HAT1: variants seen among roughly 807,000 people sequenced by gnomAD.
HAT1 encodes the protein histone acetyltransferase 1.
A neutral mutation model predicts 56.6 loss-of-function variants in HAT1; 20 were observed. That is an observed-to-expected ratio of 0.35 (90% CI 0.25 to 0.51). HAT1 has a LOEUF of 0.51. Among genes scored for constraint, HAT1 ranks in the 20% least tolerant of loss-of-function variants. HAT1 has a pLI of 0.95. For synonymous variants in HAT1, 146 were observed against 165.5 expected (o/e 0.88, Z 0.91); for missense variants, 408 against 504.3 (o/e 0.81, Z 1.83).
Position 171,946,712 on chromosome 2 carries a change from T to C in HAT1, c.117T>C (p.Arg39=). Residue 39 remains arginine, a synonymous_variant, in exon 3 of 11, where the codon CGT becomes CGC. Transcript: ENST00000264108. ...TNTAIELKLV[R]FPEDLENDIR... ...TTTTTTTGTCCCTTGAAACAGTTCG[T>C]TTTCCTGAAGATCTTGAAAATGACA... is the stretch of plus-strand genomic sequence containing the variant. 1 of 1,569,170 alleles carries C rather than the reference T, an allele frequency of 6.4e-7. No individual in the cohort carries two copies. The highest frequency in any genetic ancestry group is 8.7e-7 in the Non-Finnish European group (1 of 1,144,740).
intron 6 of HAT1, 81 bp from the exon 7 acceptor site, chr2:171,966,328 G>C: frequency 1.3e-6 from 1 of 794,234 alleles, no homozygotes; most frequent in Non-Finnish European, 2.3e-6. Flanking sequence ...TGAAAATTCA[G>C]TCAGAGAATG....
intron 9 of HAT1, among the ~76,000 whole-genome samples, chr2:171,977,545 ATATATATATATATTTT>A (rs1216272010): frequency 1.4e-4 from 2 of 14,056 alleles, no homozygotes; most frequent in Admixed American, 1.2e-3. Flanking sequence ...ATATATATAT[ATATATATATATATTTT>A]TTTTTTTTTT....
chr2:171,976,333 A>G (rs1468887950), intron 9 of HAT1, 25 bp downstream of exon 9: 1 of 1,428,282 alleles, frequency 7.0e-7, no homozygotes, highest in Non-Finnish European at 9.5e-7. Context: ...TAGGAGGAAA[A>G]CAGATTTAAA....
At chr2:171,973,438 G>A (rs1186162951) in intron 8 of HAT1, among the ~76,000 whole-genome samples, 2 of 150,756 alleles carry the variant, frequency 1.3e-5, no homozygotes, top group Non-Finnish European at 2.9e-5. Flanking sequence ...TCTTGATAGG[G>A]ATTGAGGGAT....
intron 2 of HAT1, 83 bp downstream of exon 2, chr2:171,925,724 T>G: frequency 1.6e-6 from 1 of 625,542 alleles, no homozygotes; most frequent in Non-Finnish European, 2.9e-6. Flanking sequence ...AAGTAAAATT[T>G]TATGTAAGAG....
chr2:171,947,589 A>G (rs1222392144), intron 3 of HAT1, among the ~76,000 whole-genome samples: 1 of 152,176 alleles, frequency 6.6e-6, no homozygotes, highest in East Asian at 1.9e-4. Flanking sequence ...CTTTAAATAT[A>G]TGTCCCAGGC....
intron 3 of HAT1, among the ~76,000 whole-genome samples, chr2:171,951,217 A>C: frequency 6.6e-6 from 1 of 152,240 alleles, no homozygotes; most frequent in East Asian, 1.9e-4. Context: ...TTCACATATT[A>C]ATAATTGTAT....
At chr2:171,967,215 G>A (rs1340577071) in intron 8 of HAT1, among the ~76,000 whole-genome samples, 2 of 152,078 alleles carry the variant, frequency 1.3e-5, no homozygotes, top group African/African-American at 2.4e-5. Context: ...GCGTAAATAC[G>A]TTGAAAGTAT....
At chr2:171,959,546 C>G (rs1054983695) in intron 4 of HAT1, among the ~76,000 whole-genome samples, 1 of 152,284 alleles carries the variant, frequency 6.6e-6, no homozygotes, top group East Asian at 1.9e-4. Flanking sequence ...TATAATGTCT[C>G]TTTGTAGAGT....
At chr2:171,982,350 A>G (rs906771851) in intron 10 of HAT1, among the ~76,000 whole-genome samples, 1 of 152,162 alleles carries the variant, frequency 6.6e-6, no homozygotes, top group Admixed American at 6.6e-5. Flanking sequence ...ATGCCACCCA[A>G]CCAGGAATCC....
rs765097202 is a variant in HAT1, at chr2:171,983,360, A to C, written c.*8A>C. On this transcript the variant is annotated 3_prime_UTR_variant, in exon 11 of 11. Coordinates refer to ENST00000264108, the MANE Select transcript of HAT1 (RefSeq NM_003642.4). ...CGACTTGCTCAAGAGTAAAGATTAT[A>C]CTGCTCTGTACAGGAAGCTTGCAAA... 2.6e-6 allele frequency: 4 copies of C among 1,552,774 alleles called. No homozygotes were observed. Among genetic ancestry groups the C allele is most frequent in the Non-Finnish European group, 3.5e-6 (4 of 1,138,754 alleles).
chr2:171,979,533 C>T (rs1045302343), intron 10 of HAT1, 170 bp downstream of exon 10: 9 of 503,856 alleles, frequency 1.8e-5, no homozygotes, highest in Admixed American at 6.7e-5. Context: ...CATGGCCGGG[C>T]GTGGTGGCCC....
At chr2:171,938,076 T>TCTCTCTCTCTA (rs1574039412) in intron 2 of HAT1, among the ~76,000 whole-genome samples, 1 of 63,692 alleles carries the variant, frequency 1.6e-5, no homozygotes, top group Non-Finnish European at 3.2e-5. Flanking sequence ...CTCTCTCTCT[T>TCTCTCTCTCTA]TAAATGAACT....
chr2:171,974,120 C>T (rs935924226), intron 8 of HAT1, among the ~76,000 whole-genome samples: 4 of 127,836 alleles, frequency 3.1e-5, no homozygotes, highest in East Asian at 2.7e-4. Flanking sequence ...TTGAGGCTGC[C>T]GTGAGCCAAG....
At chr2:171,940,730 T>C (rs1480611261) in intron 2 of HAT1, among the ~76,000 whole-genome samples, 1 of 152,200 alleles carries the variant, frequency 6.6e-6, no homozygotes, top group Non-Finnish European at 1.5e-5. Flanking sequence ...TTTGTGGCTT[T>C]GTTGGATAGC....
intron 2 of HAT1, among the ~76,000 whole-genome samples, chr2:171,942,282 T>C (rs1269629064): frequency 6.6e-6 from 1 of 152,236 alleles, no homozygotes; most frequent in Non-Finnish European, 1.5e-5. Flanking sequence ...ATTGTGGTAA[T>C]ACATATTTTG....
At chr2:171,939,822 T>C (rs1236459087) in intron 2 of HAT1, among the ~76,000 whole-genome samples, 8 of 151,724 alleles carry the variant, frequency 5.3e-5, no homozygotes, top group Non-Finnish European at 1.2e-4. Context: ...AGACAGGGTC[T>C]CACTTTATTG....
chr2:171,923,609 C>T (rs947707497), intron 1 of HAT1: 2 of 152,232 alleles, frequency 1.3e-5, no homozygotes, highest in East Asian at 3.9e-4. Flanking sequence ...CAGGGCATTC[C>T]TCATAGTCTC....
chr2:171,946,266 T>C (rs1687161421), intron 2 of HAT1, among the ~76,000 whole-genome samples: 1 of 152,248 alleles, frequency 6.6e-6, no homozygotes, highest in Non-Finnish European at 1.5e-5. Context: ...ACAACATAAA[T>C]GTCATCTAGC....
Sources: allele counts gnomAD v4.1 joint callset (sites outside exome capture counted in the v4.1 genomes callset), GRCh38; gene constraint gnomAD v4.1.1; transcripts MANE v1.5; gene names NCBI Gene and HGNC (gene_info 2026-07-23, HGNC 2026-07-21).